The following ANKMY1 variants were observed in gnomAD, a reference collection of about 807,000 sequenced individuals.
ANKMY1 encodes the protein ankyrin repeat and MYND domain containing 1.
Under a neutral mutation model 102.0 loss-of-function variants are expected in ANKMY1, and 98 were observed. The observed-to-expected ratio is 0.96, with a 90% CI of 0.82 to 1.14. The LOEUF is 1.14. Among genes scored for constraint, ANKMY1 ranks in the 50% most tolerant of loss-of-function variants. ANKMY1 has a pLI of 0.00. For synonymous variants in ANKMY1, 582 were observed against 559.9 expected, an observed-to-expected ratio of 1.04 and a Z score of -0.56; for missense variants, 1,330 against 1,347.6, an observed-to-expected ratio of 0.99 and a Z score of 0.20.
At position 240,500,120 on chromosome 2, in the gene ANKMY1, G is replaced by A. The variant is rs140202838; in HGVS notation, c.2644C>T (p.Arg882Trp). ...TGGAAGGGGCAGCGGGCAATCCTCC[G>A]GTCCTGCGGCACAGCACCAGGGTCA... ...DYGYFRFFQD[R>W]RIARCPFHTL... Residue 882 changes from arginine to tryptophan, a missense_variant, in exon 15 of 18, where the codon CGG (arginine) becomes TGG (tryptophan). Transcript: ENST00000401804. 1,455 of 1,598,832 alleles carry A rather than the reference G, an allele frequency of 9.1e-4. 27 individuals carry two copies. In the East Asian group the frequency reaches 0.025, roughly 28 times the overall value.
the ANKMY1 span, among the ~76,000 whole-genome samples, chr2:240,469,435 C>T: frequency 6.6e-6 from 1 of 152,210 alleles, no homozygotes; most frequent in Non-Finnish European, 1.5e-5. Context: ...CTCTCAGTCC[C>T]TCTCGGTTCC....
intron 9 of ANKMY1, among the ~76,000 whole-genome samples, chr2:240,514,459 C>T (rs1417966796): frequency 6.6e-6 from 1 of 152,146 alleles, no homozygotes; most frequent in African/African-American, 2.4e-5. Context: ...CATTAAGTCC[C>T]ACGAGTCCCA....
chr2:240,502,462 A>C (rs2078353798), intron 13 of ANKMY1, among the ~76,000 whole-genome samples: 2 of 151,638 alleles, frequency 1.3e-5, no homozygotes, highest in Non-Finnish European at 2.9e-5. Context: ...ACCCTTCCAC[A>C]CTGACCCCAA....
chr2:240,496,506 T>C (rs1186767240), intron 15 of ANKMY1, among the ~76,000 whole-genome samples: 1 of 152,188 alleles, frequency 6.6e-6, no homozygotes, highest in African/African-American at 2.4e-5. Context: ...TGAGGACATG[T>C]TCATTTTCCT....
intron 17 of ANKMY1, 110 bp from the exon 18 acceptor site, chr2:240,479,765 G>C (rs1209020080): frequency 1.1e-6 from 1 of 931,964 alleles, no homozygotes; most frequent in African/African-American, 1.6e-5. Context: ...ACTGTGCTCT[G>C]TCTAGAGCTT....
At chr2:240,498,374 T>A (rs1282777962) in intron 15 of ANKMY1, among the ~76,000 whole-genome samples, 1 of 150,522 alleles carries the variant, frequency 6.6e-6, no homozygotes, top group Non-Finnish European at 1.5e-5. Context: ...TGTCCGTATG[T>A]GTGTGGAGAT....
chr2:240,469,033 G>T, the ANKMY1 span, among the ~76,000 whole-genome samples: 14 of 152,182 alleles, frequency 9.2e-5, no homozygotes, highest in Non-Finnish European at 1.9e-4. Flanking sequence ...GCGGGCCAGG[G>T]GATGCAGCCT....
intron 15 of ANKMY1, among the ~76,000 whole-genome samples, chr2:240,483,973 G>A (rs920894015): frequency 9.8e-5 from 15 of 152,286 alleles, no homozygotes; most frequent in Admixed American, 9.2e-4. Flanking sequence ...GCTAAGAATG[G>A]TGGTTTCCAG....
At chr2:240,541,446 A>T (rs1052626976) in intron 4 of ANKMY1, among the ~76,000 whole-genome samples, 4 of 149,774 alleles carry the variant, frequency 2.7e-5, no homozygotes, top group African/African-American at 9.8e-5. Context: ...TGGAATTCAG[A>T]GTTTGCTGTT....
At chr2:240,479,196 C>T (rs11694938), downstream of ANKMY1, among the ~76,000 whole-genome samples, 20,271 of 152,248 alleles carry the variant, frequency 0.13, 1,481 homozygotes, top group Non-Finnish European at 0.16. Context: ...CCTGCTGCCG[C>T]GGGCTCCTGG....
intron 4 of ANKMY1, among the ~76,000 whole-genome samples, chr2:240,547,707 A>G (rs1476204653): frequency 1.4e-5 from 2 of 147,072 alleles, no homozygotes; most frequent in Non-Finnish European, 1.5e-5. Flanking sequence ...CAGAAATACA[A>G]ACTACCATCA....
At chr2:240,523,713 A>C (rs2082772545) in intron 8 of ANKMY1, 172 bp downstream of exon 8, 1 of 1,137,684 alleles carries the variant, frequency 8.8e-7, no homozygotes, top group Non-Finnish European at 1.2e-6. Flanking sequence ...TGGCACCCCC[A>C]CAGGGCTGGC....
At chr2:240,469,348 G>C in the ANKMY1 span, among the ~76,000 whole-genome samples, 1 of 152,128 alleles carries the variant, frequency 6.6e-6, no homozygotes, top group Admixed American at 6.5e-5. Flanking sequence ...AGACCACCAG[G>C]GAGCTCCCAA....
At chr2:240,481,351 G>A (rs934250732) in intron 16 of ANKMY1, among the ~76,000 whole-genome samples, 2 of 152,240 alleles carry the variant, frequency 1.3e-5, no homozygotes, top group Non-Finnish European at 2.9e-5. Flanking sequence ...GTGCCCACCA[G>A]TAGGGGCTGG....
chr2:240,526,874 T>A (rs980537571), intron 5 of ANKMY1: 2 of 1,152,134 alleles, frequency 1.7e-6, no homozygotes, highest in African/African-American at 1.6e-5. Flanking sequence ...GTAGACAACA[T>A]GCATTATCTC....
chr2:240,537,512 C>T (rs2087122014), intron 4 of ANKMY1, among the ~76,000 whole-genome samples: 2 of 152,176 alleles, frequency 1.3e-5, no homozygotes, highest in Non-Finnish European at 2.9e-5. Context: ...GTCCTCAAAC[C>T]TTGCAGTCCT....
At chr2:240,516,854 C>T (rs532030976) in intron 9 of ANKMY1, among the ~76,000 whole-genome samples, 49 of 152,336 alleles carry the variant, frequency 3.2e-4, no homozygotes, top group Admixed American at 2.3e-3. Flanking sequence ...CAGGAGGTGA[C>T]TGCATGGACT....
intron 4 of ANKMY1, among the ~76,000 whole-genome samples, chr2:240,539,041 C>T (rs1214520494): frequency 6.6e-6 from 1 of 152,182 alleles, no homozygotes; most frequent in Non-Finnish European, 1.5e-5. Context: ...TAAAATGGAC[C>T]AATCAGCAGG....
intron 9 of ANKMY1, among the ~76,000 whole-genome samples, chr2:240,514,984 G>A (rs1013078831): frequency 1.3e-5 from 2 of 152,248 alleles, no homozygotes; most frequent in African/African-American, 4.8e-5. Flanking sequence ...TCAGACCTGG[G>A]AGAAGGTGTC....
Sources: allele counts gnomAD v4.1 joint callset (sites outside exome capture counted in the v4.1 genomes callset), GRCh38; gene constraint gnomAD v4.1.1; transcripts MANE v1.5; gene names NCBI Gene and HGNC (gene_info 2026-07-23, HGNC 2026-07-21).